CNTNAP2: variants seen among roughly 807,000 people sequenced by gnomAD.
The protein encoded by CNTNAP2 is contactin associated protein 2, also known as contactin-associated protein-like 2.
CNTNAP2 carries 98 observed loss-of-function variants against 155.2 expected under a neutral mutation model. The ratio of observed to expected loss-of-function variants is 0.63; its 90% CI spans 0.54 to 0.75. CNTNAP2 has a LOEUF of 0.75. CNTNAP2 is among the 30% of genes least tolerant of loss of function. The probability of loss-of-function intolerance (pLI) is 0.00; values close to 1 mark genes in which losing one functional copy is unlikely to be tolerated. For missense variants in CNTNAP2, 1,727 were observed against 1,688.1 expected, an observed-to-expected ratio of 1.02 and a Z score of -0.40; for synonymous variants, 651 against 631.2, an observed-to-expected ratio of 1.03 and a Z score of -0.47.
intron 9 of CNTNAP2, among the ~76,000 whole-genome samples, chr7:147,315,991 C>T (rs1356527846): frequency 6.6e-6 from 1 of 151,810 alleles, no homozygotes; most frequent in Non-Finnish European, 1.5e-5. Context: ...ATATGAGACA[C>T]TTATTCATTC....
At chr7:147,210,942 C>T (rs1206961508) in intron 8 of CNTNAP2, among the ~76,000 whole-genome samples, 2 of 149,668 alleles carry the variant, frequency 1.3e-5, no homozygotes, top group African/African-American at 2.5e-5. Context: ...AGAGAGTATG[C>T]TTCGTATGAT....
chr7:146,490,627 G>A (rs752111796), intron 1 of CNTNAP2, among the ~76,000 whole-genome samples: 8 of 152,110 alleles, frequency 5.3e-5, no homozygotes, highest in Non-Finnish European at 1.2e-4. Flanking sequence ...AGTACCCAAT[G>A]GGAAAATACT....
intron 1 of CNTNAP2, among the ~76,000 whole-genome samples, chr7:146,341,545 G>A (rs980306996): frequency 5.3e-5 from 8 of 152,026 alleles, no homozygotes; most frequent in Non-Finnish European, 8.8e-5. Context: ...TAGTACTATC[G>A]TGCTGCTATA....
intron 8 of CNTNAP2, among the ~76,000 whole-genome samples, chr7:147,136,798 C>T (rs2129286263): frequency 6.6e-6 from 1 of 152,036 alleles, no homozygotes; most frequent in Admixed American, 6.6e-5. Context: ...AAAAAGGTCT[C>T]ATTTGAAATA....
intron 1 of CNTNAP2, among the ~76,000 whole-genome samples, chr7:146,233,924 A>G (rs947316292): frequency 6.0e-5 from 9 of 150,648 alleles, no homozygotes; most frequent in African/African-American, 2.2e-4. Context: ...TGCAATAAAC[A>G]TACGTGTGCA....
At chr7:146,314,006 T>G (rs979683461) in intron 1 of CNTNAP2, among the ~76,000 whole-genome samples, 2 of 148,076 alleles carry the variant, frequency 1.4e-5, no homozygotes, top group Non-Finnish European at 2.9e-5. Flanking sequence ...CTCAAAAAAT[T>G]ATATATGTAT....
At chr7:147,174,803 A>G (rs1393259315) in intron 8 of CNTNAP2, among the ~76,000 whole-genome samples, 1 of 152,188 alleles carries the variant, frequency 6.6e-6, no homozygotes, top group Non-Finnish European at 1.5e-5. Context: ...GGAAATAAAA[A>G]TAGGCAAACA....
chr7:148,342,443 G>A (rs966597695), intron 21 of CNTNAP2, among the ~76,000 whole-genome samples: 4 of 152,102 alleles, frequency 2.6e-5, no homozygotes. Context: ...TGTTCTTTCT[G>A]TACTTCTTGT....
chr7:147,601,353 A>G, intron 12 of CNTNAP2, among the ~76,000 whole-genome samples: 1 of 151,940 alleles, frequency 6.6e-6, no homozygotes, highest in Non-Finnish European at 1.5e-5. Context: ...AGGTAGTGGA[A>G]AATTACAGTC....
chr7:148,046,579 C>T (rs931467620), intron 15 of CNTNAP2, among the ~76,000 whole-genome samples: 2 of 152,222 alleles, frequency 1.3e-5, no homozygotes, highest in Admixed American at 1.3e-4. Flanking sequence ...ACCTGACACC[C>T]CAAGCTAGTG....
chr7:147,868,581 G>A (rs1799272357), intron 13 of CNTNAP2, among the ~76,000 whole-genome samples: 2 of 152,232 alleles, frequency 1.3e-5, no homozygotes, highest in East Asian at 1.9e-4. Context: ...CACAGAGGTG[G>A]AGTCTATAGA....
intron 1 of CNTNAP2, among the ~76,000 whole-genome samples, chr7:146,500,308 G>A (rs1797282345): frequency 6.6e-6 from 1 of 152,162 alleles, no homozygotes; most frequent in Non-Finnish European, 1.5e-5. Context: ...CAAGGAAGAA[G>A]GCTTTAATCA....
chr7:147,657,414 A>G (rs1795541773), intron 13 of CNTNAP2, among the ~76,000 whole-genome samples: 1 of 152,222 alleles, frequency 6.6e-6, no homozygotes, highest in Non-Finnish European at 1.5e-5. Context: ...AATATGGGAG[A>G]TAAAGATCTA....
intron 13 of CNTNAP2, among the ~76,000 whole-genome samples, chr7:147,729,411 C>T (rs563337688): frequency 4.4e-4 from 22 of 49,994 alleles, no homozygotes; most frequent in African/African-American, 2.0e-3. Flanking sequence ...AACATGCACA[C>T]ACACGCACAC....
chr7:147,974,814 G>GT (rs1051809783), intron 14 of CNTNAP2, among the ~76,000 whole-genome samples: 5 of 151,914 alleles, frequency 3.3e-5, no homozygotes, highest in Non-Finnish European at 5.9e-5. Context: ...CTACTTTTAG[G>GT]TAAATGCTTG....
intron 13 of CNTNAP2, among the ~76,000 whole-genome samples, chr7:147,696,533 T>C (rs1172596552): frequency 6.6e-6 from 1 of 152,208 alleles, no homozygotes; most frequent in Non-Finnish European, 1.5e-5. Context: ...CTGTTGTCTG[T>C]TAGATAAATT....
chr7:146,724,047 C>T (rs1157414712), intron 1 of CNTNAP2, among the ~76,000 whole-genome samples: 4 of 152,134 alleles, frequency 2.6e-5, no homozygotes, highest in African/African-American at 7.2e-5. Flanking sequence ...CTACCTGCCC[C>T]ACATTTTCAT....
chr7:146,798,391 G>T (rs189197586), intron 2 of CNTNAP2, among the ~76,000 whole-genome samples: 2 of 152,200 alleles, frequency 1.3e-5, no homozygotes, highest in South Asian at 2.1e-4. Flanking sequence ...GCCCAAGCTG[G>T]AGTGCAGTGG....
intron 2 of CNTNAP2, among the ~76,000 whole-genome samples, chr7:146,794,338 T>A (rs1802729434): frequency 6.6e-6 from 1 of 152,368 alleles, no homozygotes; most frequent in South Asian, 2.1e-4. Flanking sequence ...TGTATATGCA[T>A]AATTTCTATT....
Sources: gnomAD v4.1 joint callset for allele counts (sites outside exome capture counted in the v4.1 genomes callset) on GRCh38, gnomAD v4.1.1 for gene constraint, MANE v1.5 for transcripts, NCBI Gene and HGNC (gene_info 2026-07-23, HGNC 2026-07-21) for gene names.